The following FGF14 variants were observed in gnomAD, a reference collection of about 807,000 sequenced individuals.
The protein encoded by FGF14 is fibroblast growth factor 14.
A neutral mutation model predicts 25.5 loss-of-function variants in FGF14; 5 were observed. The observed-to-expected ratio is 0.20, with a 90% confidence interval of 0.10 to 0.41. FGF14 has a LOEUF of 0.41. Among genes scored for constraint, FGF14 ranks in the 10% least tolerant of loss-of-function variants. FGF14 has a pLI of 1.00. For synonymous variants in FGF14, 138 were observed against 118.3 expected (o/e 1.17, Z -1.08); for missense variants, 222 against 320.1 (o/e 0.69, Z 2.34).
Position 101,992,898 on chromosome 13 carries a change from G to C in FGF14, c.209-117602C>G, listed in dbSNP as rs140543215. Among the ~76,000 whole-genome samples the C allele has an allele frequency of 5.9e-3, 902 of 151,604 alleles. 9 individuals are homozygous for C. The highest frequency in any genetic ancestry group is 0.02 in the African/African-American group (845 of 41,384). On this transcript the variant is annotated intron_variant, in intron 1 of 4. Transcript: ENST00000376131. ...GCAAAAGGAGAAGAAAGAGAGAAAAGAACAGAAATATTTGAAGTAACACTG... is the reference window on the plus strand; with the variant it reads ...GCAAAAGGAGAAGAAAGAGAGAAAACAACAGAAATATTTGAAGTAACACTG...
chr13:102,350,714 CG>C (rs1468067037), intron 1 of FGF14, among the ~76,000 whole-genome samples: 1 of 152,282 alleles, frequency 6.6e-6, no homozygotes, highest in East Asian at 1.9e-4. Flanking sequence ...CAACTGTCCA[CG>C]TATTCAGGTG....
chr13:101,775,666 A>T (rs2039062081), intron 3 of FGF14, among the ~76,000 whole-genome samples: 1 of 152,078 alleles, frequency 6.6e-6, no homozygotes, highest in Non-Finnish European at 1.5e-5. Flanking sequence ...TTAAGGGAGG[A>T]TAGGGGGCCT....
At chr13:102,271,370 C>G (rs2141162316) in intron 1 of FGF14, among the ~76,000 whole-genome samples, 1 of 152,280 alleles carries the variant, frequency 6.6e-6, no homozygotes, top group Middle Eastern at 3.4e-3. Context: ...GTTCCAGTCA[C>G]AGCCATTCAT....
intron 1 of FGF14, among the ~76,000 whole-genome samples, chr13:102,091,301 T>G (rs1055501754): frequency 6.6e-6 from 1 of 152,166 alleles, no homozygotes; most frequent in African/African-American, 2.4e-5. Context: ...AACTACATTC[T>G]GCTTGCCAAG....
intron 4 of FGF14, among the ~76,000 whole-genome samples, chr13:101,723,879 C>T (rs1371510246): frequency 6.6e-6 from 1 of 151,998 alleles, no homozygotes; most frequent in African/African-American, 2.4e-5. Context: ...ATTAGAGCTG[C>T]CCAAACTGCT....
intron 1 of FGF14, among the ~76,000 whole-genome samples, chr13:101,905,714 T>G (rs894082938): frequency 6.6e-6 from 1 of 151,980 alleles, no homozygotes; most frequent in Non-Finnish European, 1.5e-5. Flanking sequence ...TAATAATAAA[T>G]TATAGGAATG....
At chr13:102,382,145 C>T (rs557613334) in intron 1 of FGF14, among the ~76,000 whole-genome samples, 6 of 151,982 alleles carry the variant, frequency 3.9e-5, no homozygotes, top group Admixed American at 2.6e-4. Flanking sequence ...TAGACTTCAA[C>T]GAAATTAAGA....
chr13:102,215,485 A>G (rs1205951888), intron 1 of FGF14, among the ~76,000 whole-genome samples: 1 of 152,224 alleles, frequency 6.6e-6, no homozygotes, highest in East Asian at 1.9e-4. Context: ...GAACTCAGAA[A>G]AGGTAAAAAG....
chr13:102,243,126 T>C (rs892766896), intron 1 of FGF14, among the ~76,000 whole-genome samples: 1 of 152,072 alleles, frequency 6.6e-6, no homozygotes, highest in African/African-American at 2.4e-5. Context: ...CCCTAAAGGA[T>C]AGCAGAGCAG....
chr13:102,021,183 G>C (rs2040630967), intron 1 of FGF14, among the ~76,000 whole-genome samples: 1 of 152,022 alleles, frequency 6.6e-6, no homozygotes, highest in Admixed American at 6.6e-5. Flanking sequence ...GAGATTTAGA[G>C]TTAAGAAGAC....
intron 1 of FGF14, among the ~76,000 whole-genome samples, chr13:101,879,862 A>T (rs1392680202): frequency 6.6e-6 from 1 of 152,220 alleles, no homozygotes. Flanking sequence ...GTAGCAGAAA[A>T]TAGTATTTGA....
chr13:101,892,001 A>T (rs11841184), intron 1 of FGF14, among the ~76,000 whole-genome samples: 4,820 of 152,256 alleles, frequency 0.032, 272 homozygotes, highest in African/African-American at 0.11. Context: ...AGGTACGAAG[A>T]TGTGACATAG....
chr13:101,764,164 T>C (rs954767821), intron 3 of FGF14, among the ~76,000 whole-genome samples: 2 of 152,060 alleles, frequency 1.3e-5, no homozygotes, highest in African/African-American at 2.4e-5. Context: ...TTTTAGTTGG[T>C]TTTATTATTC....
chr13:101,753,038 T>C (rs188506038), intron 3 of FGF14, among the ~76,000 whole-genome samples: 1 of 152,276 alleles, frequency 6.6e-6, no homozygotes, highest in Non-Finnish European at 1.5e-5. Context: ...AATTGTTTAG[T>C]AGCCTTTAAC....
intron 1 of FGF14, among the ~76,000 whole-genome samples, chr13:102,033,766 T>G (rs2041333494): frequency 1.3e-5 from 2 of 152,114 alleles, no homozygotes. Context: ...TTTTAAAGAT[T>G]ATTTGCAAAG....
At chr13:101,850,884 T>A (rs914732714) in intron 3 of FGF14, among the ~76,000 whole-genome samples, 3 of 151,814 alleles carry the variant, frequency 2.0e-5, no homozygotes, top group African/African-American at 7.3e-5. Context: ...ATTCAGTCAT[T>A]TCTTTCAACA....
At chr13:102,365,169 T>TTAA (rs1327306560) in intron 1 of FGF14, among the ~76,000 whole-genome samples, 13 of 152,148 alleles carry the variant, frequency 8.5e-5, no homozygotes, top group Admixed American at 6.5e-4. Flanking sequence ...AACAAAGTTC[T>TTAA]TAAGCTCTAT....
intron 3 of FGF14, among the ~76,000 whole-genome samples, chr13:101,818,665 C>T (rs979391665): frequency 4.6e-5 from 7 of 152,160 alleles, no homozygotes; most frequent in African/African-American, 1.7e-4. Flanking sequence ...GAATTACAAC[C>T]TGCCAGTAAT....
intron 1 of FGF14, among the ~76,000 whole-genome samples, chr13:102,276,599 G>A (rs2141189231): frequency 6.6e-6 from 1 of 151,984 alleles, no homozygotes; most frequent in South Asian, 2.1e-4. Flanking sequence ...AAAGCCTTTG[G>A]TGCATTATTC....
Sources: allele counts gnomAD v4.1 joint callset (sites outside exome capture counted in the v4.1 genomes callset), GRCh38; gene constraint gnomAD v4.1.1; transcripts MANE v1.5; gene names NCBI Gene and HGNC (gene_info 2026-07-23, HGNC 2026-07-21).